Variants in CLCA2 observed in about 807,000 individuals in gnomAD.
CLCA2 encodes the protein chloride channel accessory 2.
A neutral mutation model predicts 82.9 loss-of-function variants in CLCA2; 85 were observed. That is an observed-to-expected ratio of 1.03 (90% CI 0.86 to 1.23). The LOEUF is 1.23. CLCA2 is among the 50% of genes most tolerant of loss of function. The pLI is 0.00. For missense variants in CLCA2, 1,089 were observed against 1,124.8 expected, an observed-to-expected ratio of 0.97 and a Z score of 0.45; for synonymous variants, 421 against 391.7, an observed-to-expected ratio of 1.07 and a Z score of -0.88.
At chr1:86,439,558 C>G (rs971587681) in intron 7 of CLCA2, among the ~76,000 whole-genome samples, 1 of 152,152 alleles carries the variant, frequency 6.6e-6, no homozygotes, top group African/African-American at 2.4e-5. Context: ...AAGTGTGTTT[C>G]AGGAATGACA....
chr1:86,439,376 T>C (rs1256498094), intron 7 of CLCA2, among the ~76,000 whole-genome samples: 3 of 152,232 alleles, frequency 2.0e-5, no homozygotes, highest in African/African-American at 4.8e-5. Context: ...TGGACGAGAC[T>C]AGAGGACCTA....
rs766433703 is a variant in CLCA2 at position 86,438,873 on chromosome 1, T to C, written c.973-3T>C. Reference sequence around the variant, plus strand: ...ATTTTCTTTTTTCCTTTTTGGGACATAGGCTGACAGACTCCTTCAACTACA... The same window carrying C: ...ATTTTCTTTTTTCCTTTTTGGGACACAGGCTGACAGACTCCTTCAACTACA... On this transcript the variant is annotated splice_region_variant and splice_polypyrimidine_tract_variant and intron_variant, in intron 6 of 13. Coordinates refer to ENST00000370565, the MANE Select transcript of CLCA2 (RefSeq NM_006536.7). The C allele has an allele frequency of 1.2e-6, 2 of 1,613,530 alleles. No individual in the cohort carries two copies. Among genetic ancestry groups the C allele is most frequent in the Admixed American group, 1.7e-5 (1 of 60,004 alleles).
intron 11 of CLCA2, among the ~76,000 whole-genome samples, chr1:86,448,627 C>T (rs940086366): frequency 1.3e-5 from 2 of 152,202 alleles, no homozygotes; most frequent in African/African-American, 4.8e-5. Context: ...TATTCTTTTG[C>T]CCTGTTGTTT....
At position 86,424,203 on chromosome 1, in the gene CLCA2, T is replaced by C. The variant is rs1233588391; in HGVS notation, c.-45T>C. ...TCCATATTGAAAACCTGACACAATG[T>C]ATGCAGCAGGCTCAGTGTGAGTGAA... On this transcript the variant is annotated 5_prime_UTR_variant, in exon 1 of 14. Transcript: ENST00000370565. The C allele has an allele frequency of 6.5e-7, 1 of 1,543,326 alleles. No individual in the cohort carries two copies. The highest frequency in any genetic ancestry group is 2.3e-5 in the East Asian group (1 of 43,924).
chr1:86,434,686 G>A lies in CLCA2; in HGVS notation c.913G>A (p.Val305Ile). Reference protein sequence around the residue: ...ELPPPPTFSLVQAGDKVVCLV... With the variant: ...ELPPPPTFSLIQAGDKVVCLV... Reference sequence around the variant, plus strand: ...TCCACCTCCTCCCACATTCTCGCTTGTACAGGCTGGTGACAAAGTGGTCTG... The same window carrying A: ...TCCACCTCCTCCCACATTCTCGCTTATACAGGCTGGTGACAAAGTGGTCTG... The change falls in exon 6 of 14, where the codon GTA (valine) becomes ATA (isoleucine). Residue 305 changes from valine to isoleucine, a missense_variant. By Grantham distance (29) the Val-to-Ile change is conservative (BLOSUM62 3). Coordinates refer to ENST00000370565, the MANE Select transcript of CLCA2 (RefSeq NM_006536.7). The A allele has an allele frequency of 1.2e-6, 2 of 1,614,100 alleles. No homozygotes were observed. Among genetic ancestry groups the A allele is most frequent in the Non-Finnish European group, 1.7e-6 (2 of 1,179,986 alleles).
intron 2 of CLCA2, among the ~76,000 whole-genome samples, chr1:86,427,780 G>T (rs1022753734): frequency 1.3e-5 from 2 of 152,000 alleles, no homozygotes; most frequent in Non-Finnish European, 2.9e-5. Flanking sequence ...TTATATGAGT[G>T]GATATTTCAG....
chr1:86,454,102 C>G (rs1663026792), intron 13 of CLCA2, among the ~76,000 whole-genome samples: 1 of 152,156 alleles, frequency 6.6e-6, no homozygotes, highest in African/African-American at 2.4e-5. Context: ...CTTGGGTAAA[C>G]ATTGACGGAG....
chr1:86,443,825 A>T lies in CLCA2; in HGVS notation c.1527A>T (p.Gln509His), dbSNP rs1358793433. 6.2e-7 allele frequency: 1 copy of T among 1,613,922 alleles called. No homozygotes were observed. The highest frequency in any genetic ancestry group is 8.5e-7 in the Non-Finnish European group (1 of 1,179,964). Residue 509 changes from glutamine to histidine, a missense_variant, in exon 10 of 14, where the codon CAA becomes CAT. Transcript: ENST00000370565. ...STGENVKPHH[Q>H]LKNTVTVDNT... Reference sequence around the variant, plus strand: ...GTGAAAATGTCAAACCTCACCATCAATTGAAAAACACAGTGACTGTGGATA... The same window carrying T: ...GTGAAAATGTCAAACCTCACCATCATTTGAAAAACACAGTGACTGTGGATA...
intron 3 of CLCA2, among the ~76,000 whole-genome samples, chr1:86,429,005 C>A (rs995333117): frequency 6.6e-5 from 10 of 152,052 alleles, no homozygotes; most frequent in African/African-American, 2.2e-4. Flanking sequence ...TGGGAGAAAA[C>A]GTTGAAACAT....
chr1:86,446,320 T>G (rs1662853148), intron 10 of CLCA2, among the ~76,000 whole-genome samples: 1 of 151,274 alleles, frequency 6.6e-6, no homozygotes, highest in East Asian at 1.9e-4. Context: ...CTACCCAAGC[T>G]TCTCTCTTAA....
chr1:86,447,556 G>A lies in CLCA2; in HGVS notation c.1762G>A (p.Ala588Thr), dbSNP rs201531879. The stretch of plus-strand genomic sequence containing the variant: ...GAACAATACCCATCATTCTCTGCAA[G>A]CCCTGAAAGTGACAGTGACCTCTCG... ...TLNNTHHSLQ[A>T]LKVTVTSRAS... The change falls in exon 11 of 14, where the codon GCC becomes ACC. Residue 588 changes from alanine (A) to threonine (T), a missense_variant. Physicochemically the swap from Ala to Thr is moderately conservative, Grantham distance 58. Coordinates refer to ENST00000370565, the MANE Select transcript of CLCA2 (RefSeq NM_006536.7). 1.1e-5 allele frequency: 17 copies of A among 1,614,004 alleles called. No individual in the cohort carries two copies. The African/African-American group carries it at 1.6e-4, about 15-fold the overall frequency.
At chr1:86,427,068 C>T (rs1050217927) in intron 2 of CLCA2, among the ~76,000 whole-genome samples, 6 of 152,100 alleles carry the variant, frequency 3.9e-5, no homozygotes, top group South Asian at 2.1e-4. Context: ...TACGGGACCA[C>T]GCTAGGCACT....
rs1321314143 is a variant in CLCA2, at chr1:86,434,552, A to G, written c.779A>G (p.Gln260Arg). Reference protein sequence around the residue: ...VEFCNASTHNQEAPNLQNQMC... With the variant: ...VEFCNASTHNREAPNLQNQMC... ...TTTTGTAATGCAAGTACCCACAACCAAGAAGCACCAAACCTACAGAACCAG... is the reference window on the plus strand; with the variant it reads ...TTTTGTAATGCAAGTACCCACAACCGAGAAGCACCAAACCTACAGAACCAG... The change falls in exon 6 of 14, where the codon CAA (glutamine) becomes CGA (arginine). Residue 260 changes from glutamine to arginine, a missense_variant. Transcript: ENST00000370565. 6.2e-7 allele frequency: 1 copy of G among 1,614,084 alleles called. No individual in the cohort carries two copies. Among genetic ancestry groups the G allele is most frequent in the Non-Finnish European group, 8.5e-7 (1 of 1,179,972 alleles).
chr1:86,435,001 C>T (rs986697497), intron 6 of CLCA2, among the ~76,000 whole-genome samples: 4 of 152,156 alleles, frequency 2.6e-5, no homozygotes, highest in Non-Finnish European at 5.9e-5. Context: ...ACAATTTCAG[C>T]TCACTGCAGC....
intron 5 of CLCA2, among the ~76,000 whole-genome samples, chr1:86,432,736 T>C (rs976515545): frequency 1.3e-5 from 2 of 152,186 alleles, no homozygotes; most frequent in African/African-American, 4.8e-5. Flanking sequence ...CTATTTGCTT[T>C]CCTGGGAGGT....
At chr1:86,430,646 A>G (rs951767225) in intron 3 of CLCA2, among the ~76,000 whole-genome samples, 2 of 152,162 alleles carry the variant, frequency 1.3e-5, no homozygotes, top group African/African-American at 4.8e-5. Context: ...AAGACCAAAC[A>G]TATTTTCATG....
chr1:86,455,479 C>A lies in CLCA2; in HGVS notation c.2784C>A (p.Ser928Arg). 3 of 1,510,596 alleles carry A rather than the reference C, an allele frequency of 2.0e-6. No homozygotes were observed. The highest frequency in any genetic ancestry group is 2.4e-5 in the Admixed American group (1 of 41,904). 93.6% of individuals were successfully genotyped at this position (1,510,596 alleles called of 1,614,324 possible). The change falls in exon 14 of 14, where the codon AGC becomes AGA. Residue 928 changes from serine (S) to arginine (R), a missense_variant. By Grantham distance (110) the Ser-to-Arg change is moderately radical. Coordinates refer to ENST00000370565, the MANE Select transcript of CLCA2 (RefSeq NM_006536.7). ...LIIVVTHHTL[S>R]RKKRADKKEN... is the part of the protein sequence containing the mutation. ...TAGTTGTGACACATCATACTTTAAG[C>A]AGGAAAAAGAGAGCAGACAAGAAAG...
chr1:86,444,803 AGAACTGTAAGTT>A (rs1412698025), intron 10 of CLCA2, among the ~76,000 whole-genome samples: 1 of 152,174 alleles, frequency 6.6e-6, no homozygotes, highest in Non-Finnish European at 1.5e-5. Context: ...GGTTCTAAGG[AGAACTGTAAGTT>A]GATCAGATTC....
intron 2 of CLCA2, 47 bp downstream of exon 2, chr1:86,425,523 A>C: frequency 1.4e-6 from 2 of 1,412,026 alleles, no homozygotes; most frequent in Non-Finnish European, 1.9e-6. Flanking sequence ...GAAAAAAAAC[A>C]CCAAAATATA....
Sources: allele counts gnomAD v4.1 joint callset (sites outside exome capture counted in the v4.1 genomes callset), GRCh38; gene constraint gnomAD v4.1.1; transcripts MANE v1.5; gene names NCBI Gene and HGNC (gene_info 2026-07-23, HGNC 2026-07-21).